The following DISP1 variants were observed in gnomAD, a reference collection of about 807,000 sequenced individuals.
DISP1 encodes protein dispatched homolog 1.
A neutral mutation model predicts 37.3 loss-of-function variants in DISP1; 30 were observed. The observed-to-expected ratio is 0.80, with a 90% CI of 0.60 to 1.09. DISP1 has a LOEUF of 1.09. Ranked by LOEUF, DISP1 falls within the 50% of genes least tolerant of loss-of-function variation. The pLI, the probability that DISP1 is intolerant of heterozygous loss-of-function variation, is 0.00. For missense variants in DISP1, 1,598 were observed against 1,879.5 expected (o/e 0.85, Z 2.77); for synonymous variants, 634 against 690.2 (o/e 0.92, Z 1.28).
chr1:222,978,952 C>T (rs1311766339), intron 3 of DISP1, among the ~76,000 whole-genome samples: 1 of 152,136 alleles, frequency 6.6e-6, no homozygotes, highest in Non-Finnish European at 1.5e-5. Context: ...AGTCCGGTAG[C>T]ATGATGCCTC....
intron 3 of DISP1, among the ~76,000 whole-genome samples, chr1:222,975,054 A>G (rs562671800): frequency 6.6e-6 from 1 of 152,274 alleles, no homozygotes; most frequent in South Asian, 2.1e-4. Context: ...TTTGGTTACT[A>G]CCATAAAGCT....
Position 222,928,037 on chromosome 1 carries a change from T to C in DISP1, c.-158-393T>C, listed in dbSNP as rs551475341. Among the ~76,000 whole-genome samples the C allele has an allele frequency of 4.6e-5, 7 of 152,332 alleles. No homozygotes were observed. In the East Asian group the frequency reaches 1.3e-3, roughly 29 times the overall value. On this transcript the variant is annotated intron_variant, in intron 1 of 8. Transcript: ENST00000675850. ...GCAGATTGGTGTTTATTTGTGTTAT[T>C]TTAAATGTAGTAGCACTGTGTGTTA...
At chr1:222,980,291 G>A (rs1421732101) in intron 3 of DISP1, among the ~76,000 whole-genome samples, 1 of 152,132 alleles carries the variant, frequency 6.6e-6, no homozygotes, top group African/African-American at 2.4e-5. Context: ...AATGGTTCCT[G>A]CAGCATTGAA....
intron 3 of DISP1, among the ~76,000 whole-genome samples, chr1:222,969,680 T>C (rs1572655030): frequency 6.6e-6 from 1 of 152,024 alleles, no homozygotes; most frequent in Admixed American, 6.6e-5. Context: ...AAAGTGATAA[T>C]ACTTTATGCA....
At chr1:222,953,449 C>T (rs180829834) in intron 3 of DISP1, among the ~76,000 whole-genome samples, 1 of 152,314 alleles carries the variant, frequency 6.6e-6, no homozygotes, top group East Asian at 1.9e-4. Flanking sequence ...ACACACCTCA[C>T]ACCATCAACC....
At chr1:222,860,742 G>A (rs1572362707) in intron 1 of DISP1, among the ~76,000 whole-genome samples, 1 of 152,088 alleles carries the variant, frequency 6.6e-6, no homozygotes, top group African/African-American at 2.4e-5. Context: ...AAAATTAGCT[G>A]GGCGGGGTAG....
At chr1:222,873,291 T>G (rs935432825) in intron 1 of DISP1, among the ~76,000 whole-genome samples, 1 of 152,206 alleles carries the variant, frequency 6.6e-6, no homozygotes, top group South Asian at 2.1e-4. Context: ...TTATTAGGTC[T>G]GCTTGGTGCA....
chr1:222,853,658 A>G (rs748171509), intron 1 of DISP1, among the ~76,000 whole-genome samples: 9 of 151,996 alleles, frequency 5.9e-5, no homozygotes, highest in Non-Finnish European at 1.0e-4. Context: ...TAAACACTGC[A>G]TGTTCTCACT....
chr1:222,982,699 C>T (rs537172016), intron 3 of DISP1, among the ~76,000 whole-genome samples: 21 of 152,202 alleles, frequency 1.4e-4, no homozygotes, highest in Admixed American at 1.2e-3. Flanking sequence ...ATCTTTGCTA[C>T]GTAAGGAAGC....
chr1:222,843,360 A>T (rs1024368770), intron 1 of DISP1, among the ~76,000 whole-genome samples: 4 of 151,934 alleles, frequency 2.6e-5, no homozygotes, highest in African/African-American at 9.7e-5. Context: ...TATTTAAAAT[A>T]TTTTTTTCAA....
intron 1 of DISP1, among the ~76,000 whole-genome samples, chr1:222,856,539 G>C (rs1034469496): frequency 3.9e-5 from 6 of 152,084 alleles, no homozygotes; most frequent in Non-Finnish European, 7.4e-5. Flanking sequence ...ACATAGTAGG[G>C]TATTAAGGAA....
chr1:222,959,217 G>GCATAA (rs1230424011), intron 3 of DISP1, among the ~76,000 whole-genome samples: 6 of 152,106 alleles, frequency 3.9e-5, no homozygotes, highest in Non-Finnish European at 7.4e-5. Context: ...GAAGTAAGTG[G>GCATAA]ACTTTAATGG....
intron 1 of DISP1, among the ~76,000 whole-genome samples, chr1:222,858,948 A>G (rs1470239728): frequency 6.6e-6 from 1 of 152,168 alleles, no homozygotes; most frequent in East Asian, 1.9e-4. Context: ...TCTAGAACCA[A>G]AATATCATTT....
chr1:222,928,389 C>T (rs1488317282), intron 1 of DISP1, 41 bp from the exon 2 acceptor site: 3 of 152,234 alleles, frequency 2.0e-5, no homozygotes, highest in African/African-American at 7.2e-5. Flanking sequence ...CAGCCCCTAA[C>T]ATGCCTAATT....
At chr1:222,889,945 A>G (rs1163243529) in intron 1 of DISP1, among the ~76,000 whole-genome samples, 1 of 152,192 alleles carries the variant, frequency 6.6e-6, no homozygotes, top group Admixed American at 6.5e-5. Flanking sequence ...GTTTCTAAAT[A>G]TTAAATATCA....
At position 223,004,796 on chromosome 1, in the gene DISP1, C is replaced by A. The variant is rs754492774; in HGVS notation, c.3399C>A (p.Cys1133Ter). The change falls in exon 9 of 9, where the codon TGC becomes TGA. Residue 1133 changes from cysteine to a stop codon, truncating the protein, a stop_gained. Transcript: ENST00000675850. LOFTEE classifies it low-confidence loss of function (END_TRUNC). This position sits in a 1 kb window ranked among gnomAD's most constrained non-coding sequence, Gnocchi z 4.9. ...TCTTTTTCCAGTGCATGTGCCGGTGCCTTGGACCACAGGGTACCTGTGGTC... is the reference window on the plus strand; with the variant it reads ...TCTTTTTCCAGTGCATGTGCCGGTGACTTGGACCACAGGGTACCTGTGGTC... ...ATFFFQCMCR[C>*]LGPQGTCGQI... The A allele has an allele frequency of 1.2e-6, 2 of 1,612,466 alleles. No individual in the cohort carries two copies.
At chr1:222,849,271 T>A (rs1668094391) in intron 1 of DISP1, among the ~76,000 whole-genome samples, 1 of 152,200 alleles carries the variant, frequency 6.6e-6, no homozygotes, top group Admixed American at 6.5e-5. Context: ...CACTCACTTA[T>A]AAAAGAGAAA....
Position 223,004,309 on chromosome 1 carries a change from T to C in DISP1, c.2912T>C (p.Leu971Pro), listed in dbSNP as rs1440052517. ...AGCAATGGTTGGTTTGTCAGCAATC[T>C]GGAGTTCTATGACCTCCAGGATAGC... ...GLSNGWFVSN[L>P]EFYDLQDSLS... Residue 971 changes from leucine (L) to proline (P), a missense_variant, in exon 9 of 9, where the codon CTG becomes CCG. Coordinates refer to ENST00000675850, the MANE Select transcript of DISP1 (RefSeq NM_001377229.1). This position sits in a 1 kb window ranked among gnomAD's most constrained non-coding sequence, Gnocchi z 4.9. 1 of 1,614,162 alleles carries C rather than the reference T, an allele frequency of 6.2e-7. No individual in the cohort carries two copies. Among genetic ancestry groups the C allele is most frequent in the East Asian group, 2.2e-5 (1 of 44,874 alleles).
intron 2 of DISP1, among the ~76,000 whole-genome samples, chr1:222,940,720 G>C (rs1434315810): frequency 1.3e-5 from 2 of 152,168 alleles, no homozygotes; most frequent in Non-Finnish European, 1.5e-5. Flanking sequence ...CCTCCTGATG[G>C]AAAGGGCAGG....
Sources: allele counts gnomAD v4.1 joint callset (sites outside exome capture counted in the v4.1 genomes callset), GRCh38; gene constraint gnomAD v4.1.1; non-coding constraint Gnocchi (gnomAD v3.1); transcripts MANE v1.5; gene names NCBI Gene and HGNC (gene_info 2026-07-23, HGNC 2026-07-21).